The following SSH3 variants were observed in gnomAD, a reference collection of about 807,000 sequenced individuals.
SSH3 encodes the protein slingshot protein phosphatase 3, also known as protein phosphatase Slingshot homolog 3.
In SSH3, 67 loss-of-function variants were observed where a neutral mutation model predicts 75.0. The observed-to-expected ratio is 0.89, with a 90% CI of 0.73 to 1.10. SSH3 has a LOEUF of 1.10. Among genes scored for constraint, SSH3 ranks in the 50% least tolerant of loss-of-function variants. The pLI, the probability that SSH3 is intolerant of heterozygous loss-of-function variation, is 0.00. For missense variants in SSH3, 824 were observed against 872.7 expected (o/e 0.94, Z 0.70); for synonymous variants, 318 against 349.2 (o/e 0.91, Z 1.00).
intron 3 of SSH3, among the ~76,000 whole-genome samples, chr11:67,305,405 G>A (rs1204602520): frequency 6.6e-6 from 1 of 152,126 alleles, no homozygotes; most frequent in Non-Finnish European, 1.5e-5. Flanking sequence ...AGCCAGGGTG[G>A]TCTCAATCTC....
At chr11:67,304,543 A>C (rs1271232435) in intron 2 of SSH3, among the ~76,000 whole-genome samples, 2 of 152,224 alleles carry the variant, frequency 1.3e-5, no homozygotes, top group Non-Finnish European at 1.5e-5. Flanking sequence ...GCTAGAGTAG[A>C]GGGGCTGAGA....
intron 3 of SSH3, 114 bp from the exon 4 acceptor site, chr11:67,306,724 A>AG (rs1861255107): frequency 6.5e-6 from 8 of 1,230,956 alleles, no homozygotes; most frequent in African/African-American, 3.0e-5. Flanking sequence ...ATCTGGGAAG[A>AG]GGGGGGATGG....
rs1861288457 is a variant in SSH3 at position 67,307,752 on chromosome 11, G to A, written c.791+15G>A. ...GAGCCTGGCGGGTCAGTGTGTGGAG[G>A]GGAGGGACTGGGTGGAGGGGAAGGC... On this transcript the variant is annotated intron_variant, in intron 7 of 13. Coordinates refer to ENST00000308127, the MANE Select transcript of SSH3 (RefSeq NM_017857.4). This position sits in a 1 kb window ranked among gnomAD's most constrained non-coding sequence, Gnocchi z 4.2. 1 of 1,613,688 alleles carries A rather than the reference G, an allele frequency of 6.2e-7. No homozygotes were observed. The highest frequency in any genetic ancestry group is 1.3e-5 in the African/African-American group (1 of 74,952).
At chr11:67,305,572 C>T (rs1031265793) in intron 3 of SSH3, among the ~76,000 whole-genome samples, 79 of 152,212 alleles carry the variant, frequency 5.2e-4, no homozygotes, top group African/African-American at 1.7e-3. Context: ...CTGTGTGAGC[C>T]AATAGGGCCA....
intron 13 of SSH3, 54 bp from the exon 14 acceptor site, chr11:67,311,537 C>A: frequency 1.2e-6 from 2 of 1,602,408 alleles, no homozygotes; most frequent in Non-Finnish European, 1.7e-6. Context: ...TGTGCTTGGG[C>A]ACCCCTGCCC....
Position 67,305,013 on chromosome 11 carries a change from G to C in SSH3, c.339+6G>C. ...CGCAGGATGACATCCGCCTGGTGAG[G>C]GCCCATGTGGAGCTCCGGGGGGTGG... On this transcript the variant is annotated splice_donor_region_variant and intron_variant, in intron 3 of 13. Coordinates refer to ENST00000308127, the MANE Select transcript of SSH3 (RefSeq NM_017857.4). The C allele has an allele frequency of 6.2e-7, 1 of 1,604,508 alleles. No individual in the cohort carries two copies. The highest frequency in any genetic ancestry group is 8.5e-7 in the Non-Finnish European group (1 of 1,176,724).
In SSH3 at chr11:67,311,949, A is replaced by G. The variant is rs1465787811; in HGVS notation, c.*62A>G. On this transcript the variant is annotated 3_prime_UTR_variant, in exon 14 of 14. Transcript: ENST00000308127. ...AGGATCCACAACTCCTTGGAGAAAC[A>G]CCCTCACGTCTGTTGCCGCACACAT... 1 of 1,585,306 alleles carries G rather than the reference A, an allele frequency of 6.3e-7. No homozygotes were observed. Among genetic ancestry groups the G allele is most frequent in the African/African-American group, 1.4e-5 (1 of 73,146 alleles).
At chr11:67,306,425 A>C (rs1861246678) in intron 3 of SSH3, among the ~76,000 whole-genome samples, 3 of 152,072 alleles carry the variant, frequency 2.0e-5, no homozygotes, top group Admixed American at 1.3e-4. Context: ...CATAGGGAAG[A>C]TCTCATCTCA....
At chr11:67,306,804 C>A in intron 3 of SSH3, 34 bp from the exon 4 acceptor site, 1 of 1,584,790 alleles carries the variant, frequency 6.3e-7, no homozygotes, top group Non-Finnish European at 8.6e-7. Flanking sequence ...GTCCTTGGGG[C>A]CACTGTGACC....
chr11:67,306,324 G>A (rs1015302659), intron 3 of SSH3, among the ~76,000 whole-genome samples: 1 of 151,746 alleles, frequency 6.6e-6, no homozygotes, highest in African/African-American at 2.4e-5. Context: ...TTCTTGCTGG[G>A]CACAGTGGCT....
In SSH3 at chr11:67,309,963, G is replaced by A. The variant is rs148067066; in HGVS notation, c.1404G>A (p.Thr468=). The A allele has an allele frequency of 1.6e-4, 263 of 1,610,304 alleles. No individual in the cohort carries two copies. The highest frequency in any genetic ancestry group is 2.1e-4 in the African/African-American group (16 of 75,078). Residue 468 remains threonine (T), a synonymous_variant, in exon 12 of 14, where the codon ACG becomes ACA. Transcript: ENST00000308127. ...TGCAGATCTACCAGGGCATCCTGAC[G>A]GCCAGGTATGGGATGGGAGCGAGTG... is the stretch of plus-strand genomic sequence containing the variant. The part of the protein sequence containing the change: ...RQLQIYQGIL[T]ASRQSHVWEQ...
rs768300121 is a variant in SSH3, at chr11:67,304,789, C to G, written c.121C>G (p.Leu41Val). ...CCCTGCCAGGCAGAGCTTTGCGGTG[C>G]TCCGTGGGGCTGTCCTGGGACTGCA... is the stretch of plus-strand genomic sequence containing the variant. ...RLQRRQSFAV[L>V]RGAVLGLQDG... The change falls in exon 3 of 14, where the codon CTC (leucine) becomes GTC (valine). Residue 41 changes from leucine to valine, a missense_variant. Leu to Val is a conservative substitution (Grantham distance 32). Coordinates refer to ENST00000308127, the MANE Select transcript of SSH3 (RefSeq NM_017857.4). The G allele has an allele frequency of 6.2e-7, 1 of 1,607,068 alleles. No homozygotes were observed. Among genetic ancestry groups the G allele is most frequent in the Non-Finnish European group, 8.5e-7 (1 of 1,177,312 alleles).
chr11:67,311,746 C>CA lies in SSH3; in HGVS notation c.1841dup (p.Asn614LysfsTer39). On this transcript the variant is annotated frameshift_variant, in exon 14 of 14. Coordinates refer to ENST00000308127, the MANE Select transcript of SSH3 (RefSeq NM_017857.4). LOFTEE classifies it low-confidence loss of function (END_TRUNC). The stretch of plus-strand genomic sequence containing the variant: ...CCCTCCAGGGCAGTGCCGTGGTGGC[C>CA]AACCGGACCCAGGCCTTCCAGGAGC... 6.2e-7 allele frequency: 1 copy of CA among 1,614,002 alleles called. No individual in the cohort carries two copies. Among genetic ancestry groups the CA allele is most frequent in the East Asian group, 2.2e-5 (1 of 44,882 alleles).
intron 1 of SSH3, 90 bp downstream of exon 1, chr11:67,303,781 G>T: frequency 7.5e-7 from 1 of 1,334,706 alleles, no homozygotes; most frequent in Non-Finnish European, 9.7e-7. Flanking sequence ...CTCTCGAACG[G>T]GGACATGAGG....
chr11:67,312,042 C>T lies in SSH3; in HGVS notation c.*155C>T, dbSNP rs930629542. 1 of 1,000,074 alleles carries T rather than the reference C, an allele frequency of 1.0e-6. No individual in the cohort carries two copies. Among genetic ancestry groups the T allele is most frequent in the Non-Finnish European group, 1.4e-6 (1 of 702,078 alleles). The allele number at this position is 1,000,074 out of a possible 1,614,324, so 62.0% of individuals were successfully genotyped here. A position where few individuals can be genotyped will look rare whatever the true frequency, so the allele number is the denominator to read the frequency against. On this transcript the variant is annotated 3_prime_UTR_variant, in exon 14 of 14. Coordinates refer to ENST00000308127, the MANE Select transcript of SSH3 (RefSeq NM_017857.4). ...CCCACCCCTGTCACTACGGCCTCAC[C>T]TCCCACCCCTGTCACTACAGCCTCA...
At position 67,305,026 on chromosome 11, in the gene SSH3, C is replaced by T. The variant is rs767557682; in HGVS notation, c.339+19C>T. The T allele has an allele frequency of 3.1e-6, 5 of 1,587,376 alleles. No individual in the cohort carries two copies. The African/African-American group carries it at 6.7e-5, about 21-fold the overall frequency. ...CCGCCTGGTGAGGGCCCATGTGGAG[C>T]TCCGGGGGGTGGGGGGAAGAGACAC... On this transcript the variant is annotated intron_variant, in intron 3 of 13. Transcript: ENST00000308127.
chr11:67,309,114 C>G, intron 10 of SSH3: 1 of 436,184 alleles, frequency 2.3e-6, no homozygotes, highest in Non-Finnish European at 4.2e-6. Flanking sequence ...CAGCTTAGCT[C>G]AAAAGCTGTT....
chr11:67,310,264 G>A lies in SSH3; in HGVS notation c.1608G>A (p.Gly536=), dbSNP rs1478155207. ...CACGGCCACGTATAAACCTCCGAGGGGTCATGAGGTCCATCAGTCTTCTGG... is the reference window on the plus strand; with the variant it reads ...CACGGCCACGTATAAACCTCCGAGGAGTCATGAGGTCCATCAGTCTTCTGG... ...PGPRPRINLR[G]VMRSISLLEP... The change falls in exon 13 of 14, where the codon GGG becomes GGA. Residue 536 remains glycine (G), a synonymous_variant. Coordinates refer to ENST00000308127, the MANE Select transcript of SSH3 (RefSeq NM_017857.4). The A allele has an allele frequency of 6.2e-7, 1 of 1,614,070 alleles. No individual in the cohort carries two copies. The highest frequency in any genetic ancestry group is 8.5e-7 in the Non-Finnish European group (1 of 1,180,030).
intron 13 of SSH3, among the ~76,000 whole-genome samples, chr11:67,310,543 C>A (rs1056098544): frequency 6.6e-6 from 1 of 152,218 alleles, no homozygotes; most frequent in African/African-American, 2.4e-5. Flanking sequence ...TCTCTTAGCA[C>A]CCGGCGTCTC....
Sources: gnomAD v4.1 joint callset for allele counts (sites outside exome capture counted in the v4.1 genomes callset) on GRCh38, gnomAD v4.1.1 for gene constraint, Gnocchi (gnomAD v3.1) non-coding constraint, MANE v1.5 for transcripts, NCBI Gene and HGNC (gene_info 2026-07-23, HGNC 2026-07-21) for gene names.